The following TRMT2B variants were observed in gnomAD, a reference collection of about 807,000 sequenced individuals.
TRMT2B encodes the protein tRNA (uracil-5-)-methyltransferase homolog B.
A neutral mutation model predicts 39.7 loss-of-function variants in TRMT2B; 34 were observed. That is an observed-to-expected ratio of 0.86 (90% confidence interval 0.65 to 1.14). TRMT2B has a LOEUF of 1.14. Among genes scored for constraint, TRMT2B ranks in the 50% most tolerant of loss-of-function variants. TRMT2B has a pLI of 0.00. For missense variants in TRMT2B, 318 were observed against 377.2 expected (o/e 0.84, Z 1.30); for synonymous variants, 132 against 137.3 (o/e 0.96, Z 0.27).
chrX:101,039,725 CTG>C (rs2088101233), intron 4 of TRMT2B, among the ~76,000 whole-genome samples: 1 of 109,881 alleles, frequency 9.1e-6, no homozygotes, highest in Admixed American at 9.8e-5. Flanking sequence ...TGGCAAAACT[CTG>C]TCTCTACAAC....
chrX:100,990,221 C>A, the TRMT2B span: 1 of 424,537 alleles, frequency 2.4e-6, no homozygotes, highest in Non-Finnish European at 3.0e-6. Context: ...CAGTCTATAC[C>A]CTGTTGGAAA....
intron 7 of TRMT2B, among the ~76,000 whole-genome samples, chrX:101,035,329 A>G (rs2087770894): frequency 8.9e-6 from 1 of 112,248 alleles, no homozygotes; most frequent in South Asian, 3.7e-4. Flanking sequence ...GACACTTGCT[A>G]TAGTACCCTC....
At chrX:100,995,601 C>T in the TRMT2B span, among the ~76,000 whole-genome samples, 27 of 111,715 alleles carry the variant, frequency 2.4e-4, no homozygotes, top group Non-Finnish European at 2.6e-4. Flanking sequence ...GAATCCCACG[C>T]GATCCCACGC....
At chrX:100,986,705 C>A in the TRMT2B span, 3 of 513,846 alleles carry the variant, frequency 5.8e-6, no homozygotes, top group African/African-American at 7.2e-5. Context: ...AGAATTTGTT[C>A]TCCTCCTCTT....
chrX:101,045,715 T>C (rs1164524863), intron 2 of TRMT2B, among the ~76,000 whole-genome samples: 1 of 110,013 alleles, frequency 9.1e-6, no homozygotes, highest in African/African-American at 3.3e-5. Flanking sequence ...GGAGAATCAC[T>C]TGAACCCAGT....
chrX:101,039,092 G>A (rs750059827), intron 4 of TRMT2B, among the ~76,000 whole-genome samples: 16 of 106,498 alleles, frequency 1.5e-4, no homozygotes, highest in Admixed American at 3.1e-4. Flanking sequence ...TTTTTGAGAC[G>A]GAGTCTCACT....
intron 3 of TRMT2B, 24 bp downstream of exon 3, chrX:101,042,018 A>G (rs2148062489): frequency 1.7e-6 from 2 of 1,208,045 alleles, no homozygotes; most frequent in Non-Finnish European, 2.2e-6. Context: ...TGCTAAGGAG[A>G]GAGGACATCA....
intron 2 of TRMT2B, among the ~76,000 whole-genome samples, chrX:101,044,833 C>T (rs2088512400): frequency 1.6e-5 from 1 of 62,614 alleles, no homozygotes; most frequent in Admixed American, 2.2e-4. Context: ...GAGTGAAACT[C>T]GGTCTCAAAA....
chrX:101,041,253 C>T, intron 4 of TRMT2B, 64 bp downstream of exon 4: 1 of 1,004,617 alleles, frequency 1.0e-6, no homozygotes, highest in Non-Finnish European at 1.4e-6. Context: ...CCCAATCAAG[C>T]TTCCTACGAG....
chrX:101,037,612 G>A (rs1444966857), intron 5 of TRMT2B: 1 of 201,218 alleles, frequency 5.0e-6, no homozygotes, highest in Non-Finnish European at 8.9e-6. Context: ...TTCTAAGGAG[G>A]TAATAGTGGA....
intron 4 of TRMT2B, among the ~76,000 whole-genome samples, chrX:101,040,141 A>T (rs960367940): frequency 3.7e-5 from 4 of 108,989 alleles, no homozygotes; most frequent in African/African-American, 1.3e-4. Flanking sequence ...TAAAAATATA[A>T]AAATTAGCCT....
intron 7 of TRMT2B, among the ~76,000 whole-genome samples, chrX:101,029,349 T>C (rs141911900): frequency 1.1e-3 from 118 of 111,327 alleles, no homozygotes; most frequent in African/African-American, 3.8e-3. Context: ...CACTGTAGGA[T>C]CTTTCATTTC....
In TRMT2B at chrX:101,010,559, C is replaced by T. The variant is rs2086202869; in HGVS notation, c.*22G>A. 1.7e-6 allele frequency: 2 copies of T among 1,206,880 alleles called. No homozygotes were observed. Among genetic ancestry groups the T allele is most frequent in the African/African-American group, 3.5e-5 (2 of 57,017 alleles). ...TGAAACTTCAGCCTTAACAAATAGC[C>T]TGCTGTCTTCTAGGAGGCTGCTTAT... On this transcript the variant is annotated 3_prime_UTR_variant, in exon 14 of 14. Transcript: ENST00000372936.
the TRMT2B span, among the ~76,000 whole-genome samples, chrX:100,977,939 G>A: frequency 8.9e-6 from 1 of 111,854 alleles, no homozygotes; most frequent in African/African-American, 3.3e-5. Context: ...CCAAATCTGG[G>A]CTATTGTGAA....
chrX:101,011,701 C>T (rs1160170133), intron 13 of TRMT2B, among the ~76,000 whole-genome samples: 4 of 110,968 alleles, frequency 3.6e-5, no homozygotes, highest in African/African-American at 1.3e-4. Flanking sequence ...CGAGACCAGC[C>T]GGGGCCACAT....
intron 7 of TRMT2B, among the ~76,000 whole-genome samples, chrX:101,032,476 A>G (rs1434686792): frequency 3.7e-5 from 4 of 108,014 alleles, no homozygotes; most frequent in Non-Finnish European, 7.6e-5. Context: ...AATTCCAGCT[A>G]TTCAGGAAGC....
the TRMT2B span, among the ~76,000 whole-genome samples, chrX:100,977,162 C>T: frequency 9.0e-6 from 1 of 111,249 alleles, no homozygotes; most frequent in African/African-American, 3.3e-5. Context: ...CTCAAGCATT[C>T]ACCATTTATT....
chrX:101,041,435 A>C, intron 3 of TRMT2B, 64 bp from the exon 4 acceptor site: 2 of 1,032,338 alleles, frequency 1.9e-6, no homozygotes, highest in Non-Finnish European at 2.7e-6. Context: ...CCTACTATGC[A>C]TAAGTACTTT....
intron 2 of TRMT2B, among the ~76,000 whole-genome samples, chrX:101,046,122 G>A (rs769779539): frequency 1.0e-5 from 1 of 99,507 alleles, no homozygotes; most frequent in East Asian, 3.1e-4. Flanking sequence ...CTCCAGCCTG[G>A]GCGATATAGT....
Sources: allele counts gnomAD v4.1 joint callset (sites outside exome capture counted in the v4.1 genomes callset), GRCh38; gene constraint gnomAD v4.1.1; transcripts MANE v1.5; gene names NCBI Gene and HGNC (gene_info 2026-07-23, HGNC 2026-07-21).